Variants in RFC2 observed in about 807,000 individuals in gnomAD.
The protein encoded by RFC2 is replication factor C subunit 2.
A neutral mutation model predicts 44.8 loss-of-function variants in RFC2; 34 were observed. The observed-to-expected ratio is 0.76, with a 90% CI of 0.58 to 1.01. The LOEUF (loss-of-function observed/expected upper bound fraction) is 1.01, where lower values mean the gene tolerates loss of function less well. Ranked by LOEUF, RFC2 falls within the 50% of genes least tolerant of loss-of-function variation. RFC2 has a pLI of 0.00. For synonymous variants in RFC2, 177 were observed against 168.9 expected (o/e 1.05, Z -0.37); for missense variants, 400 against 453.6 (o/e 0.88, Z 1.07).
rs1393600525 is a variant in RFC2 at position 74,231,727 on chromosome 7, T to G, written c.*379A>C. ...CAGATGGAGACTCTGTCGCCCAGGC[T>G]GGAGTGCAATGGTGTGATCTTGGCT... On this transcript the variant is annotated 3_prime_UTR_variant, in exon 11 of 11. Coordinates refer to ENST00000055077, the MANE Select transcript of RFC2 (RefSeq NM_181471.3). The G allele has an allele frequency of 6.3e-6, 1 of 158,090 alleles. No individual in the cohort carries two copies. Among genetic ancestry groups the G allele is most frequent in the African/African-American group, 2.4e-5 (1 of 41,576 alleles). The allele number at this position is 158,090 out of a possible 1,614,324, so 9.8% of individuals were successfully genotyped here.
Position 74,240,157 on chromosome 7 carries a change from C to T in RFC2, c.536-62G>A. The T allele has an allele frequency of 2.7e-6, 4 of 1,505,792 alleles. No individual in the cohort carries two copies. The East Asian group carries it at 9.1e-5, about 34-fold the overall frequency. 93.3% of individuals were successfully genotyped at this position (1,505,792 alleles called of 1,614,324 possible). On this transcript the variant is annotated intron_variant, in intron 6 of 10. Coordinates refer to ENST00000055077, the MANE Select transcript of RFC2 (RefSeq NM_181471.3). Reference sequence around the variant, plus strand: ...AGAGGCCGGCATCATCCTGCTAGCTCTTTGGTCATAAGGCTGCAGCTGCAC... The same window carrying T: ...AGAGGCCGGCATCATCCTGCTAGCTTTTTGGTCATAAGGCTGCAGCTGCAC...
chr7:74,252,617 C>T, intron 1 of RFC2, 119 bp from the exon 2 acceptor site: 3 of 704,080 alleles, frequency 4.3e-6, no homozygotes. Context: ...TACAACTATG[C>T]CAAATGGTTG....
At chr7:74,234,280 C>T (rs1249052943) in intron 10 of RFC2, among the ~76,000 whole-genome samples, 1 of 152,122 alleles carries the variant, frequency 6.6e-6, no homozygotes, top group Non-Finnish European at 1.5e-5. Context: ...ACAGAAACTA[C>T]ATCGGTAGTT....
At chr7:74,237,489 G>C in intron 8 of RFC2, 47 bp from the exon 9 acceptor site, 1 of 1,348,578 alleles carries the variant, frequency 7.4e-7, no homozygotes, top group Non-Finnish European at 1.0e-6. Flanking sequence ...AAGGGACAAT[G>C]TGAGCGGGGA....
rs782353167 is a variant in RFC2 at position 74,249,691 on chromosome 7, T to G, written c.225+48A>C. Reference sequence around the variant, plus strand: ...CACAAGAAAGCAGTTCAGCGGACAGTGGGATGAGACATGGAGACACTCAAC... The same window carrying G: ...CACAAGAAAGCAGTTCAGCGGACAGGGGGATGAGACATGGAGACACTCAAC... On this transcript the variant is annotated intron_variant, in intron 3 of 10. Coordinates refer to ENST00000055077, the MANE Select transcript of RFC2 (RefSeq NM_181471.3). The G allele has an allele frequency of 2.7e-6, 4 of 1,503,998 alleles. 1 individual carries two copies. The South Asian group carries it at 4.5e-5, about 17-fold the overall frequency. The allele number at this position is 1,503,998 out of a possible 1,614,324, so 93.2% of individuals were successfully genotyped here.
At chr7:74,244,644 C>T (rs1454803640) in intron 5 of RFC2, among the ~76,000 whole-genome samples, 3 of 150,766 alleles carry the variant, frequency 2.0e-5, no homozygotes, top group African/African-American at 7.3e-5. Context: ...GCTGGGATTA[C>T]AGGTGTGAGC....
At chr7:74,237,828 C>T (rs1392946675) in intron 8 of RFC2, among the ~76,000 whole-genome samples, 5 of 152,160 alleles carry the variant, frequency 3.3e-5, no homozygotes, top group African/African-American at 7.2e-5. Flanking sequence ...ACCTCCACCC[C>T]GGAGTAGGAA....
At chr7:74,240,754 C>CTGGGCACATGACAATTCAATCTGAA (rs1803289913) in intron 6 of RFC2, among the ~76,000 whole-genome samples, 2 of 152,204 alleles carry the variant, frequency 1.3e-5, no homozygotes, top group African/African-American at 4.8e-5. Context: ...GTTGGCCCTT[C>CTGGGCACATGACAATTCAATCTGAA]TGGGCACATG....
intron 5 of RFC2, among the ~76,000 whole-genome samples, 158 bp downstream of exon 5, chr7:74,246,504 T>C (rs1200260589): frequency 1.3e-5 from 2 of 152,178 alleles, no homozygotes; most frequent in Non-Finnish European, 2.9e-5. Context: ...TGTAAGTTAC[T>C]TAATAAAGAT....
At position 74,239,850 on chromosome 7, in the gene RFC2, T is replaced by C. The variant is rs1021596441; in HGVS notation, c.693+88A>G. On this transcript the variant is annotated intron_variant, in intron 7 of 10. Coordinates refer to ENST00000055077, the MANE Select transcript of RFC2 (RefSeq NM_181471.3). ...TCTGTCTCTTTCTCTTGTTGTACCT[T>C]GTGCAGCTGTCACTTCCCTCCCCTT... is the stretch of plus-strand genomic sequence containing the variant. The C allele has an allele frequency of 2.4e-6, 3 of 1,254,356 alleles. No individual in the cohort carries two copies. In the Admixed American group the frequency reaches 7.0e-5, roughly 29 times the overall value. The allele number at this position is 1,254,356 out of a possible 1,614,324, so 77.7% of individuals were successfully genotyped here.
chr7:74,251,080 C>T (rs946502030), intron 2 of RFC2, among the ~76,000 whole-genome samples: 2 of 152,128 alleles, frequency 1.3e-5, no homozygotes, highest in Admixed American at 6.6e-5. Flanking sequence ...AGCCACCACA[C>T]CCGGCCCTAT....
In RFC2 at chr7:74,231,968, C is replaced by G; in HGVS notation, c.*138G>C. 6.2e-6 allele frequency: 4 copies of G among 642,852 alleles called. No homozygotes were observed. The South Asian group carries it at 7.4e-5, about 12-fold the overall frequency. The allele number at this position is 642,852 out of a possible 1,614,324, so 39.8% of individuals were successfully genotyped here. ...GTGTTGGGATTACAGGCGTGAGCTA[C>G]CGTGCCTGGCCAGCCACTGGAGTTT... On this transcript the variant is annotated 3_prime_UTR_variant, in exon 11 of 11. Transcript: ENST00000055077.
intron 7 of RFC2, among the ~76,000 whole-genome samples, 182 bp from the exon 8 acceptor site, chr7:74,239,170 C>CTTT (rs34664628): frequency 2.4e-4 from 26 of 107,980 alleles, no homozygotes; most frequent in Middle Eastern, 5.8e-3. Context: ...CCAAGGGTGA[C>CTTT]TTTTTTTTTT....
intron 1 of RFC2, 118 bp from the exon 2 acceptor site, chr7:74,252,616 G>A: frequency 1.4e-6 from 1 of 707,708 alleles, no homozygotes; most frequent in Non-Finnish European, 2.6e-6. Flanking sequence ...GTACAACTAT[G>A]CCAAATGGTT....
At chr7:74,252,714 C>G (rs1554721360) in intron 1 of RFC2, among the ~76,000 whole-genome samples, 1 of 152,008 alleles carries the variant, frequency 6.6e-6, no homozygotes, top group Admixed American at 6.6e-5. Flanking sequence ...GCGGGTGGAT[C>G]AATTGAGGTC....
chr7:74,239,044 T>G, intron 7 of RFC2, 56 bp from the exon 8 acceptor site: 1 of 1,433,478 alleles, frequency 7.0e-7, no homozygotes, highest in Non-Finnish European at 9.8e-7. Context: ...TCTTTTTGAG[T>G]AGAGACAGGA....
chr7:74,248,941 GA>G lies in RFC2; in HGVS notation c.332+70del, dbSNP rs1803775959. 3.7e-6 allele frequency: 4 copies of G among 1,075,378 alleles called. No individual in the cohort carries two copies. The East Asian group carries it at 7.1e-5, about 19-fold the overall frequency. 66.6% of individuals were successfully genotyped at this position (1,075,378 alleles called of 1,614,324 possible). On this transcript the variant is annotated intron_variant, in intron 4 of 10. Transcript: ENST00000055077. ...GGCTTCGCATACAACCCAATGCTGA[GA>G]AAGGTTGTTTCTGTAACAATTCTCA...
intron 5 of RFC2, among the ~76,000 whole-genome samples, chr7:74,246,206 T>A (rs188007983): frequency 0.029 from 4,133 of 141,578 alleles, 169 homozygotes; most frequent in African/African-American, 0.095. Flanking sequence ...AAAAAAAAAA[T>A]AAATAAATAA....
chr7:74,249,560 TAAATAAAA>T (rs1803815399), intron 3 of RFC2, among the ~76,000 whole-genome samples, 171 bp downstream of exon 3: 2 of 150,568 alleles, frequency 1.3e-5, no homozygotes, highest in East Asian at 2.0e-4. Context: ...AATAAATAAA[TAAATAAAA>T]AAAAATACAG....
Sources: allele counts gnomAD v4.1 joint callset (sites outside exome capture counted in the v4.1 genomes callset), GRCh38; gene constraint gnomAD v4.1.1; transcripts MANE v1.5; gene names NCBI Gene and HGNC (gene_info 2026-07-23, HGNC 2026-07-21).